Variants in SNX3 observed in about 807,000 individuals in gnomAD.
SNX3 encodes the protein sorting nexin-3.
A neutral mutation model predicts 17.7 loss-of-function variants in SNX3; 5 were observed. The ratio of observed to expected loss-of-function variants is 0.28; its 90% CI spans 0.15 to 0.59. The LOEUF (loss-of-function observed/expected upper bound fraction) is 0.59, where lower values mean the gene tolerates loss of function less well. SNX3 is among the 20% of genes least tolerant of loss of function. SNX3 has a pLI of 0.88. For synonymous variants in SNX3, 91 were observed against 76.5 expected (o/e 1.19, Z -0.99); for missense variants, 132 against 206.8 (o/e 0.64, Z 2.22).
At chr6:108,213,785 T>A (rs1180984661) in intron 3 of SNX3, among the ~76,000 whole-genome samples, 1 of 152,218 alleles carries the variant, frequency 6.6e-6, no homozygotes, top group African/African-American at 2.4e-5. Context: ...TTACCACTCA[T>A]GGATCTTCAA....
intron 1 of SNX3, among the ~76,000 whole-genome samples, chr6:108,231,550 T>C (rs1159611559): frequency 6.6e-6 from 1 of 152,240 alleles, no homozygotes; most frequent in Middle Eastern, 3.2e-3. Context: ...TGTTCCTAAA[T>C]GGCAGGAGTG....
chr6:108,223,738 A>T (rs1008630588), intron 1 of SNX3, among the ~76,000 whole-genome samples: 3 of 151,268 alleles, frequency 2.0e-5, no homozygotes, highest in African/African-American at 7.3e-5. Context: ...CCTGACCTCA[A>T]GTGATCTGCT....
intron 1 of SNX3, among the ~76,000 whole-genome samples, chr6:108,224,745 T>C (rs1488483068): frequency 1.3e-5 from 2 of 152,146 alleles, no homozygotes; most frequent in African/African-American, 4.8e-5. Flanking sequence ...TTACCCCTAG[T>C]AGGAAATTAA....
chr6:108,224,443 G>A (rs1047736743), intron 1 of SNX3, among the ~76,000 whole-genome samples: 5 of 152,134 alleles, frequency 3.3e-5, no homozygotes, highest in Non-Finnish European at 7.4e-5. Flanking sequence ...ACCATGGCTC[G>A]CTAATTTTTT....
chr6:108,260,588 C>G (rs559222876), intron 1 of SNX3, among the ~76,000 whole-genome samples, 172 bp downstream of exon 1: 239 of 152,282 alleles, frequency 1.6e-3, no homozygotes, highest in Non-Finnish European at 2.9e-3. Flanking sequence ...TGCAGCCCCC[C>G]ACACCAGCCC....
At chr6:108,238,505 C>CT (rs1487365138) in intron 1 of SNX3, among the ~76,000 whole-genome samples, 3 of 152,108 alleles carry the variant, frequency 2.0e-5, no homozygotes, top group Admixed American at 6.5e-5. Context: ...TGGCATGTGC[C>CT]TGTAGTCCCA....
intron 1 of SNX3, among the ~76,000 whole-genome samples, chr6:108,256,761 A>C (rs896248762): frequency 2.6e-5 from 4 of 152,246 alleles, no homozygotes; most frequent in African/African-American, 9.6e-5. Context: ...CTTCATAAAC[A>C]GTGACTGAAT....
chr6:108,222,410 G>GT, intron 2 of SNX3: 1 of 1,224,594 alleles, frequency 8.2e-7, no homozygotes, highest in South Asian at 1.3e-5. Flanking sequence ...GATCAGGCAT[G>GT]TAACAGTGTT....
chr6:108,214,379 T>C, intron 3 of SNX3, 119 bp downstream of exon 3: 1 of 912,592 alleles, frequency 1.1e-6, no homozygotes, highest in Middle Eastern at 3.1e-4. Flanking sequence ...TTTGTTTAAA[T>C]GATATGAAAA....
At chr6:108,228,488 G>A (rs1387384383) in intron 1 of SNX3, among the ~76,000 whole-genome samples, 1 of 152,058 alleles carries the variant, frequency 6.6e-6, no homozygotes, top group African/African-American at 2.4e-5. Context: ...GGAGACTGCA[G>A]TGAACCAAGA....
At chr6:108,259,710 A>G (rs1444390864) in intron 1 of SNX3, among the ~76,000 whole-genome samples, 1 of 152,244 alleles carries the variant, frequency 6.6e-6, no homozygotes, top group Non-Finnish European at 1.5e-5. Context: ...CTGTATGTAC[A>G]CTTAAAAATG....
intron 3 of SNX3, 64 bp from the exon 4 acceptor site, chr6:108,212,318 T>A: frequency 9.0e-7 from 1 of 1,107,982 alleles, no homozygotes; most frequent in Non-Finnish European, 1.3e-6. Flanking sequence ...TCAAAACACA[T>A]ATTTTAAAGT....
At position 108,214,527 on chromosome 6, in the gene SNX3, T is replaced by C. The variant is rs769918576; in HGVS notation, c.354A>G (p.Arg118=). The change falls in exon 3 of 4, where the codon AGA becomes AGG. Residue 118 remains arginine (R), a synonymous_variant. Coordinates refer to ENST00000230085, the MANE Select transcript of SNX3 (RefSeq NM_003795.6). ...GIFDDNFIEE[R]KQGLEQFINK... Reference sequence around the variant, plus strand: ...TTATAAACTGCTCCAGCCCTTGTTTTCTTTCCTCAATAAAATTGTCATCAA... The same window carrying C: ...TTATAAACTGCTCCAGCCCTTGTTTCCTTTCCTCAATAAAATTGTCATCAA... The C allele has an allele frequency of 1.9e-6, 3 of 1,613,872 alleles. No individual in the cohort carries two copies. The Admixed American group carries it at 5.0e-5, about 27-fold the overall frequency.
intron 1 of SNX3, among the ~76,000 whole-genome samples, chr6:108,228,303 C>T (rs545194876): frequency 7.4e-4 from 113 of 152,154 alleles, no homozygotes; most frequent in Non-Finnish European, 1.3e-3. Context: ...AATCCCAGCA[C>T]TTTGGGAGGC....
intron 1 of SNX3, among the ~76,000 whole-genome samples, chr6:108,238,101 C>CA (rs11287104): frequency 0.067 from 5,743 of 85,298 alleles, 213 homozygotes; most frequent in Middle Eastern, 0.18. Context: ...GATCCTGTCT[C>CA]AAAAAAAAAA....
intron 1 of SNX3, among the ~76,000 whole-genome samples, chr6:108,236,585 G>GT (rs1249838090): frequency 8.1e-4 from 120 of 148,306 alleles, no homozygotes; most frequent in East Asian, 8.0e-4. Flanking sequence ...GGGTTTCACC[G>GT]TTTTTTTTTA....
chr6:108,260,851 G>T lies in SNX3; in HGVS notation c.71C>A (p.Pro24His), dbSNP rs1302314135. 1.9e-6 allele frequency: 3 copies of T among 1,613,330 alleles called. No homozygotes were observed. Among genetic ancestry groups the T allele is most frequent in the Middle Eastern group, 1.6e-4 (1 of 6,062 alleles). ...ATCGATCTCGAGGAAGTTGCTGGGG[G>T]GTCCGTAGGCGTCATTCAGGTTCTG... The part of the protein sequence containing the change: ...KPQNLNDAYG[P>H]PSNFLEIDVS... Residue 24 changes from proline to histidine, a missense_variant, in exon 1 of 4, where the codon CCC becomes CAC. Around this residue, in one of 2 missense-constraint regions of SNX3, gnomAD observed 78 missense variants for 88.8 expected, o/e 0.88. Coordinates refer to ENST00000230085, the MANE Select transcript of SNX3 (RefSeq NM_003795.6).
chr6:108,256,058 C>T (rs746023696), intron 1 of SNX3, among the ~76,000 whole-genome samples: 3 of 152,016 alleles, frequency 2.0e-5, no homozygotes, highest in South Asian at 4.2e-4. Flanking sequence ...AGTGAGATCT[C>T]GTCTCTACAA....
chr6:108,234,291 G>A (rs573434744), intron 1 of SNX3, among the ~76,000 whole-genome samples: 6 of 151,576 alleles, frequency 4.0e-5, no homozygotes, highest in Non-Finnish European at 8.8e-5. Context: ...AGTGGCTCAC[G>A]CCTGTAATCC....
Sources: gnomAD v4.1 joint callset for allele counts (sites outside exome capture counted in the v4.1 genomes callset) on GRCh38, gnomAD v4.1.1 for gene constraint, gnomAD v4.1.1 regional missense constraint, MANE v1.5 for transcripts, NCBI Gene and HGNC (gene_info 2026-07-23, HGNC 2026-07-21) for gene names.